Variants in KCNN3 observed in about 807,000 individuals in gnomAD.
KCNN3 encodes small conductance calcium-activated potassium channel protein 3.
Under a neutral mutation model 62.9 loss-of-function variants are expected in KCNN3, and 16 were observed. That is an observed-to-expected ratio of 0.25 (90% CI 0.17 to 0.39). The LOEUF (loss-of-function observed/expected upper bound fraction) is 0.39, where lower values mean the gene tolerates loss of function less well. KCNN3 is among the 10% of genes least tolerant of loss of function. The pLI, the probability that KCNN3 is intolerant of heterozygous loss-of-function variation, is 1.00. For synonymous variants in KCNN3, 370 were observed against 389.2 expected (o/e 0.95, Z 0.58); for missense variants, 599 against 949.4 (o/e 0.63, Z 4.85).
chr1:154,838,544 A>G (rs1651696614), intron 1 of KCNN3, among the ~76,000 whole-genome samples: 1 of 152,118 alleles, frequency 6.6e-6, no homozygotes, highest in Non-Finnish European at 1.5e-5. Flanking sequence ...AAAATGCACT[A>G]AGCTTTCGTT....
chr1:154,713,177 TA>T (rs1264817226), intron 7 of KCNN3, among the ~76,000 whole-genome samples: 2 of 152,102 alleles, frequency 1.3e-5, no homozygotes, highest in Non-Finnish European at 2.9e-5. Context: ...GTGCAGCTCA[TA>T]AAATGACACG....
intron 1 of KCNN3, among the ~76,000 whole-genome samples, chr1:154,825,194 T>C (rs1383165281): frequency 6.6e-6 from 1 of 152,120 alleles, no homozygotes; most frequent in Non-Finnish European, 1.5e-5. Flanking sequence ...GCCACACGCA[T>C]TGCCCCCACT....
At chr1:154,831,697 G>C (rs1651383133) in intron 1 of KCNN3, among the ~76,000 whole-genome samples, 1 of 152,016 alleles carries the variant, frequency 6.6e-6, no homozygotes, top group South Asian at 2.1e-4. Flanking sequence ...ATTTTCTCCA[G>C]GGGTTGGAAA....
rs1007642349 is a variant in KCNN3 at position 154,703,088 on chromosome 1, A to G, written c.*4888T>C. 8.5e-5 allele frequency: 13 copies of G among 152,160 alleles called. No individual in the cohort carries two copies. Among genetic ancestry groups the G allele is most frequent in the Non-Finnish European group, 1.9e-4 (13 of 67,996 alleles). 9.4% of individuals were successfully genotyped at this position (152,160 alleles called of 1,614,324 possible). On this transcript the variant is annotated 3_prime_UTR_variant, in exon 8 of 8. Transcript: ENST00000271915. ...GTTATATTTTTTTCTATCTGTATAT[A>G]TGTATATACCATTGCACTGAGTACT...
intron 2 of KCNN3, among the ~76,000 whole-genome samples, chr1:154,774,009 C>T (rs1183079241): frequency 3.3e-5 from 5 of 152,252 alleles, no homozygotes; most frequent in African/African-American, 9.6e-5. Context: ...ACTACTGGCT[C>T]CATGATCCTG....
chr1:154,749,782 G>T (rs1244911822), intron 3 of KCNN3, among the ~76,000 whole-genome samples: 1 of 152,174 alleles, frequency 6.6e-6, no homozygotes, highest in Non-Finnish European at 1.5e-5. Context: ...TCTGGCCTGA[G>T]CATGAGGGGC....
chr1:154,796,148 C>T (rs886800420), intron 2 of KCNN3, among the ~76,000 whole-genome samples: 1 of 152,188 alleles, frequency 6.6e-6, no homozygotes, highest in Admixed American at 6.5e-5. Context: ...GTGGCGAATA[C>T]TGCAATCGAA....
intron 1 of KCNN3, among the ~76,000 whole-genome samples, chr1:154,834,114 G>A (rs113206124): frequency 2.6e-5 from 4 of 152,358 alleles, no homozygotes; most frequent in African/African-American, 9.6e-5. Context: ...GCTATTAATA[G>A]ACCAAACATG....
Position 154,868,912 on chromosome 1 carries a change from CTCT to C in KCNN3, c.933+117_933+119del. 8 of 996,730 alleles carry C rather than the reference CTCT, an allele frequency of 8.0e-6. No individual in the cohort carries two copies. In the East Asian group the frequency reaches 1.7e-4, roughly 22 times the overall value. 61.7% of individuals were successfully genotyped at this position (996,730 alleles called of 1,614,324 possible). A position where few individuals can be genotyped will look rare whatever the true frequency, so the allele number is the denominator to read the frequency against. On this transcript the variant is annotated intron_variant, in intron 1 of 7. Transcript: ENST00000271915. The stretch of plus-strand genomic sequence containing the variant: ...TCCCAATCTCTCAATCTCTCTCTCT[CTCT>C]CTCTCTCTCTCTCTCTCTCTCAATC...
At chr1:154,759,528 G>C (rs576310530) in intron 3 of KCNN3, among the ~76,000 whole-genome samples, 1 of 152,256 alleles carries the variant, frequency 6.6e-6, no homozygotes, top group Admixed American at 6.5e-5. Context: ...TGGGGGAGCG[G>C]GTGAGAATGA....
chr1:154,716,027 G>A (rs1040530199), intron 5 of KCNN3, among the ~76,000 whole-genome samples: 1 of 152,204 alleles, frequency 6.6e-6, no homozygotes, highest in Admixed American at 6.5e-5. Flanking sequence ...GAAAATCAGT[G>A]AAGATATTTA....
chr1:154,775,951 G>C (rs1010893092), intron 2 of KCNN3, among the ~76,000 whole-genome samples: 9 of 152,190 alleles, frequency 5.9e-5, no homozygotes, highest in Non-Finnish European at 1.3e-4. Flanking sequence ...GTTCACTCTG[G>C]GCAGGAATGG....
At chr1:154,735,607 G>A (rs1700697726) in intron 3 of KCNN3, among the ~76,000 whole-genome samples, 1 of 152,042 alleles carries the variant, frequency 6.6e-6, no homozygotes, top group Non-Finnish European at 1.5e-5. Flanking sequence ...GCACAGGCTG[G>A]TGGCTCCCAA....
In KCNN3 at chr1:154,729,377, C is replaced by T. The variant is rs148939704; in HGVS notation, c.1591-3351G>A. On this transcript the variant is annotated intron_variant, in intron 4 of 7. Transcript: ENST00000271915. ...CCACTTCTGATGAGCTGGAACTTCC[C>T]AAGGCACGTGGGCGAGAGGGAGCAC... is the stretch of plus-strand genomic sequence containing the variant. 2.3e-3 allele frequency among the ~76,000 whole-genome samples: 354 copies of T among 152,160 alleles called. 3 individuals carry two copies. Among genetic ancestry groups the T allele is most frequent in the Middle Eastern group, 0.014 (4 of 294 alleles).
rs934327824 is a variant in KCNN3, at chr1:154,862,842, C to T, written c.933+6190G>A. On this transcript the variant is annotated intron_variant, in intron 1 of 7. Coordinates refer to ENST00000271915, the MANE Select transcript of KCNN3 (RefSeq NM_002249.6). The surrounding 1 kb of genome is among the most constrained non-coding windows in gnomAD (Gnocchi z 4.1). ...CCTCCTGTTCCAACATTTTGCATCA[C>T]GGGTCTCAGTGCCATAAACTCAATT... 1.3e-5 allele frequency among the ~76,000 whole-genome samples: 2 copies of T among 152,102 alleles called. No homozygotes were observed. Among genetic ancestry groups the T allele is most frequent in the African/African-American group, 4.8e-5 (2 of 41,394 alleles).
intron 3 of KCNN3, among the ~76,000 whole-genome samples, chr1:154,760,812 A>G (rs937028457): frequency 3.3e-5 from 5 of 151,668 alleles, no homozygotes; most frequent in African/African-American, 4.8e-5. Flanking sequence ...GGGCGCTCCC[A>G]TAAGCGGCCG....
intron 3 of KCNN3, among the ~76,000 whole-genome samples, chr1:154,765,909 A>C (rs1648247087): frequency 1.3e-5 from 2 of 151,930 alleles, no homozygotes; most frequent in Admixed American, 1.3e-4. Flanking sequence ...GACCTCCCAA[A>C]GTGTTGGGAT....
chr1:154,799,210 C>T (rs1649855494), intron 2 of KCNN3, among the ~76,000 whole-genome samples: 1 of 152,160 alleles, frequency 6.6e-6, no homozygotes, highest in South Asian at 2.1e-4. Context: ...TGCCACCATG[C>T]CTGGCCTAAA....
rs1653062386 is a variant in KCNN3 at position 154,868,923 on chromosome 1, TCTCTC to T, written c.933+104_933+108del. 135 of 1,080,618 alleles carry T rather than the reference TCTCTC, an allele frequency of 1.2e-4. 1 individual carries two copies. The highest frequency in any genetic ancestry group is 2.6e-5 in the Non-Finnish European group (18 of 700,142). 66.9% of individuals were successfully genotyped at this position (1,080,618 alleles called of 1,614,324 possible). A position where few individuals can be genotyped will look rare whatever the true frequency, so the allele number is the denominator to read the frequency against. On this transcript the variant is annotated intron_variant, in intron 1 of 7. Transcript: ENST00000271915. ...CAATCTCTCTCTCTCTCTCTCTCTC[TCTCTC>T]TCTCTCTCAATCTCTCTCTCTCACA...
Sources: allele counts gnomAD v4.1 joint callset (sites outside exome capture counted in the v4.1 genomes callset), GRCh38; gene constraint gnomAD v4.1.1; non-coding constraint Gnocchi (gnomAD v3.1); transcripts MANE v1.5; gene names NCBI Gene and HGNC (gene_info 2026-07-23, HGNC 2026-07-21).